Variants in OSBPL6 observed in about 807,000 individuals in gnomAD.
The protein encoded by OSBPL6 is oxysterol-binding protein-related protein 6.
A neutral mutation model predicts 125.8 loss-of-function variants in OSBPL6; 49 were observed. The observed-to-expected ratio is 0.39, with a 90% CI of 0.31 to 0.49. The LOEUF is 0.49. OSBPL6 is among the 20% of genes least tolerant of loss of function. OSBPL6 has a pLI of 0.88. For synonymous variants in OSBPL6, 394 were observed against 391.8 expected, an observed-to-expected ratio of 1.01 and a Z score of -0.07; for missense variants, 986 against 1,135.4, an observed-to-expected ratio of 0.87 and a Z score of 1.89.
chr2:178,245,409 T>C (rs1285432102), intron 1 of OSBPL6, among the ~76,000 whole-genome samples: 2 of 152,268 alleles, frequency 1.3e-5, no homozygotes, highest in Non-Finnish European at 2.9e-5. Flanking sequence ...GCTGGAAACC[T>C]ACCCCAGGTT....
At chr2:178,254,033 C>T (rs898825370) in intron 1 of OSBPL6, among the ~76,000 whole-genome samples, 5 of 152,288 alleles carry the variant, frequency 3.3e-5, no homozygotes, top group African/African-American at 9.6e-5. Context: ...GAGTCCCCAC[C>T]AGCAAGAAGG....
Position 178,200,310 on chromosome 2 carries a change from G to A in OSBPL6, c.-351+5636G>A, listed in dbSNP as rs529637319. On this transcript the variant is annotated intron_variant, in intron 1 of 24. Coordinates refer to ENST00000190611, the MANE Select transcript of OSBPL6 (RefSeq NM_032523.4). ...TCTGTCACCCAGGCCCGAGTGCAGC[G>A]GTGCAATCTCGGCTCACTGCAACCT... Among the ~76,000 whole-genome samples the A allele has an allele frequency of 1.6e-3, 232 of 146,578 alleles. 2 individuals are homozygous for A. The highest frequency in any genetic ancestry group is 2.7e-3 in the Non-Finnish European group (180 of 67,380).
At chr2:178,328,964 T>G (rs1688950558) in intron 5 of OSBPL6, among the ~76,000 whole-genome samples, 1 of 152,226 alleles carries the variant, frequency 6.6e-6, no homozygotes, top group South Asian at 2.1e-4. Context: ...AGATAAGTTC[T>G]CATTAAATAC....
In OSBPL6 at chr2:178,393,431, A is replaced by C. The variant is rs555609186; in HGVS notation, c.2574-882A>C. Among the ~76,000 whole-genome samples, 51 of 152,318 alleles carry C rather than the reference A, an allele frequency of 3.3e-4. 1 individual carries two copies. The highest frequency in any genetic ancestry group is 3.4e-3 in the Middle Eastern group (1 of 294). On this transcript the variant is annotated intron_variant, in intron 23 of 24. Transcript: ENST00000190611. ...CTATGGAATTCATTTTACTTTTCCC[A>C]AAAATTCTATATGCCATACAAATTC...
rs1349464956 is a variant in OSBPL6, at chr2:178,324,196, G to A, written c.122G>A (p.Arg41Lys). The stretch of plus-strand genomic sequence containing the variant: ...TTTCAGAGTATTCACATACTGGAGA[G>A]GACTGCTTCCTCTAGCACCGAGCCC... ...DSRQSIHILE[R>K]TASSSTEPSV... The change falls in exon 4 of 25, where the codon AGG (arginine) becomes AAG (lysine). Residue 41 changes from arginine (R) to lysine (K), a missense_variant. Arg to Lys is a conservative substitution (Grantham distance 26, BLOSUM62 2). Transcript: ENST00000190611. The A allele has an allele frequency of 3.2e-6, 5 of 1,561,536 alleles. No homozygotes were observed. Among genetic ancestry groups the A allele is most frequent in the Non-Finnish European group, 4.4e-6 (5 of 1,142,856 alleles).
intron 1 of OSBPL6, among the ~76,000 whole-genome samples, chr2:178,210,130 C>T (rs1302836848): frequency 6.6e-6 from 1 of 151,752 alleles, no homozygotes; most frequent in African/African-American, 2.4e-5. Flanking sequence ...AGAGATTCTC[C>T]TGCCTCAGCG....
chr2:178,256,669 G>A (rs1392931666), intron 1 of OSBPL6, among the ~76,000 whole-genome samples: 10 of 152,288 alleles, frequency 6.6e-5, no homozygotes, highest in Admixed American at 5.9e-4. Context: ...AAGTTCTGGA[G>A]CACGGCAAGT....
At chr2:178,373,739 C>A in intron 14 of OSBPL6, 151 bp from the exon 15 acceptor site, 1 of 879,144 alleles carries the variant, frequency 1.1e-6, no homozygotes, top group Non-Finnish European at 1.7e-6. Flanking sequence ...GAAACTTATA[C>A]AGTGATCATT....
chr2:178,341,642 A>G (rs1690207448), intron 11 of OSBPL6, among the ~76,000 whole-genome samples: 1 of 152,224 alleles, frequency 6.6e-6, no homozygotes, highest in Non-Finnish European at 1.5e-5. Flanking sequence ...TCCCTCAAAG[A>G]CACTCAAAGA....
intron 2 of OSBPL6, among the ~76,000 whole-genome samples, chr2:178,292,396 G>C (rs562695603): frequency 6.6e-6 from 1 of 152,224 alleles, no homozygotes; most frequent in African/African-American, 2.4e-5. Flanking sequence ...AATCTCCTTT[G>C]AAAGGTTTGG....
intron 13 of OSBPL6, among the ~76,000 whole-genome samples, chr2:178,367,173 T>TA (rs1204811517): frequency 6.6e-6 from 1 of 151,812 alleles, no homozygotes; most frequent in African/African-American, 2.4e-5. Context: ...TAAACAATAT[T>TA]AAAAAATACA....
At chr2:178,384,904 A>C (rs1403130553) in intron 18 of OSBPL6, among the ~76,000 whole-genome samples, 1 of 152,072 alleles carries the variant, frequency 6.6e-6, no homozygotes, top group South Asian at 2.1e-4. Context: ...CTTTGTAGCT[A>C]TCTTTTTTAG....
intron 11 of OSBPL6, chr2:178,344,477 C>T: frequency 1.1e-6 from 1 of 917,374 alleles, no homozygotes; most frequent in African/African-American, 1.6e-5. Context: ...GTAGCCCAAT[C>T]ATGGCAGCAT....
chr2:178,379,731 C>G (rs1421781514), intron 15 of OSBPL6, among the ~76,000 whole-genome samples: 1 of 152,082 alleles, frequency 6.6e-6, no homozygotes, highest in African/African-American at 2.4e-5. Context: ...TTTTCATGAG[C>G]CTGATGGTTT....
chr2:178,298,012 T>C (rs1685916081), intron 2 of OSBPL6, among the ~76,000 whole-genome samples: 1 of 152,234 alleles, frequency 6.6e-6, no homozygotes, highest in Admixed American at 6.5e-5. Flanking sequence ...AACACAACTC[T>C]TCCCATTTCC....
Position 178,199,354 on chromosome 2 carries a change from C to T in OSBPL6, c.-351+4680C>T, listed in dbSNP as rs532761300. Among the ~76,000 whole-genome samples the T allele has an allele frequency of 3.0e-4, 45 of 152,292 alleles. No homozygotes were observed. The South Asian group carries it at 4.6e-3, about 15-fold the overall frequency. On this transcript the variant is annotated intron_variant, in intron 1 of 24. Coordinates refer to ENST00000190611, the MANE Select transcript of OSBPL6 (RefSeq NM_032523.4). ...TCCCCCTTAAACCCCTACCATTACT[C>T]TTTCTACACACTTAATATTTCTGTT...
chr2:178,290,224 A>T (rs1047621845), intron 2 of OSBPL6, among the ~76,000 whole-genome samples: 2 of 152,310 alleles, frequency 1.3e-5, no homozygotes, highest in Non-Finnish European at 2.9e-5. Flanking sequence ...GGTGGCCCTG[A>T]AATACAGTTC....
At chr2:178,325,816 G>A (rs141755255) in intron 4 of OSBPL6, among the ~76,000 whole-genome samples, 32 of 152,254 alleles carry the variant, frequency 2.1e-4, no homozygotes, top group South Asian at 6.2e-4. Context: ...CTAGAAGGAG[G>A]TGGCTGTTAG....
intron 2 of OSBPL6, among the ~76,000 whole-genome samples, chr2:178,294,053 T>TA (rs1287712010): frequency 6.6e-6 from 1 of 152,146 alleles, no homozygotes. Flanking sequence ...TCTTAGTCTT[T>TA]AAAAAAATCC....
Sources: allele counts gnomAD v4.1 joint callset (sites outside exome capture counted in the v4.1 genomes callset), GRCh38; gene constraint gnomAD v4.1.1; transcripts MANE v1.5; gene names NCBI Gene and HGNC (gene_info 2026-07-23, HGNC 2026-07-21).